Variants in PLEKHA7 observed in about 807,000 individuals in gnomAD.
PLEKHA7 encodes the protein pleckstrin homology domain containing A7.
PLEKHA7 carries 104 observed loss-of-function variants against 170.0 expected under a neutral mutation model. The observed-to-expected ratio is 0.61, with a 90% confidence interval of 0.52 to 0.72. The LOEUF (loss-of-function observed/expected upper bound fraction) is 0.72. PLEKHA7 is among the 30% of genes least tolerant of loss of function. The pLI, the probability that PLEKHA7 is intolerant of heterozygous loss-of-function variation, is 0.00. For synonymous variants in PLEKHA7, 648 were observed against 660.8 expected (o/e 0.98, Z 0.30); for missense variants, 1,615 against 1,671.7 (o/e 0.97, Z 0.59).
intron 4 of PLEKHA7, among the ~76,000 whole-genome samples, chr11:16,865,965 G>A (rs1373533029): frequency 1.3e-5 from 2 of 151,722 alleles, no homozygotes; most frequent in Non-Finnish European, 2.9e-5. Context: ...AGCCTCCCGA[G>A]TAGCTGGGAT....
At chr11:16,795,078 C>T (rs944991522) in intron 17 of PLEKHA7, 60 bp from the exon 18 acceptor site, 2 of 1,210,976 alleles carry the variant, frequency 1.7e-6, no homozygotes, top group Non-Finnish European at 2.5e-6. Flanking sequence ...CTTCTTAGGA[C>T]TTATCCTACC....
At chr11:16,784,585 G>C (rs1849276739) in intron 24 of PLEKHA7, among the ~76,000 whole-genome samples, 1 of 152,128 alleles carries the variant, frequency 6.6e-6, no homozygotes, top group African/African-American at 2.4e-5. Context: ...AACTCGGCTT[G>C]GTGAAACCTT....
Position 17,014,169 on chromosome 11 carries a change from G to C in PLEKHA7, c.119C>G (p.Pro40Arg). 6.2e-7 allele frequency: 1 copy of C among 1,601,718 alleles called. No homozygotes were observed. The highest frequency in any genetic ancestry group is 8.5e-7 in the Non-Finnish European group (1 of 1,175,534). The change falls in exon 2 of 27, where the codon CCG becomes CGG. Residue 40 changes from proline (P) to arginine (R), a missense_variant. By Grantham distance (103) the Pro-to-Arg change is moderately radical (BLOSUM62 -2). Coordinates refer to ENST00000531066, the MANE Select transcript of PLEKHA7 (RefSeq NM_001329630.2). ...CGAGTTGACGGGCTCCCCGGTGCGC[G>C]GATGCAGCCAGGTCGTGCAGCGGAG... is the stretch of plus-strand genomic sequence containing the variant. The part of the protein sequence containing the change: ...DQLRCTTWLH[P>R]RTGEPVNSGH...
At chr11:16,872,487 T>C (rs1011790402) in intron 3 of PLEKHA7, among the ~76,000 whole-genome samples, 2 of 152,224 alleles carry the variant, frequency 1.3e-5, no homozygotes. Flanking sequence ...ACTTCTTTAT[T>C]TGAAATAGCT....
intron 3 of PLEKHA7, among the ~76,000 whole-genome samples, chr11:16,958,737 C>CTAAAAT (rs1861860204): frequency 6.6e-6 from 1 of 152,180 alleles, no homozygotes; most frequent in Non-Finnish European, 1.5e-5. Flanking sequence ...AGGAAATATG[C>CTAAAAT]TAAAATCGTA....
intron 3 of PLEKHA7, among the ~76,000 whole-genome samples, chr11:16,986,278 A>T (rs2136906836): frequency 6.6e-6 from 1 of 152,294 alleles, no homozygotes; most frequent in East Asian, 1.9e-4. Flanking sequence ...AACCATCTGC[A>T]CCGCTGCAGA....
chr11:16,783,654 C>T, intron 25 of PLEKHA7, 46 bp downstream of exon 25: 1 of 1,351,616 alleles, frequency 7.4e-7, no homozygotes, highest in Non-Finnish European at 9.5e-7. Flanking sequence ...GAGACGCCAC[C>T]TGGGGTCAGG....
At chr11:16,927,233 AT>A (rs1859627065) in intron 3 of PLEKHA7, among the ~76,000 whole-genome samples, 1 of 152,164 alleles carries the variant, frequency 6.6e-6, no homozygotes, top group South Asian at 2.1e-4. Context: ...TTCTCCATAT[AT>A]TTTTTTAAAC....
intron 18 of PLEKHA7, 59 bp from the exon 19 acceptor site, chr11:16,794,773 G>C (rs1848103357): frequency 6.4e-7 from 1 of 1,565,510 alleles, no homozygotes; most frequent in South Asian, 1.1e-5. Flanking sequence ...TTCCTTGGAG[G>C]ATGAGTGGAG....
At chr11:16,807,265 G>C in intron 13 of PLEKHA7, 1 of 883,582 alleles carries the variant, frequency 1.1e-6, no homozygotes, top group Non-Finnish European at 1.4e-6. Context: ...AACGTAACAG[G>C]TGAGACATCA....
At chr11:16,907,209 T>TG (rs1343475851) in intron 3 of PLEKHA7, among the ~76,000 whole-genome samples, 4 of 76,134 alleles carry the variant, frequency 5.3e-5, no homozygotes, top group East Asian at 7.5e-4. Flanking sequence ...GGGAGGGAGG[T>TG]GGGGGGGTCA....
chr11:16,935,069 C>T (rs1860194084), intron 3 of PLEKHA7, among the ~76,000 whole-genome samples: 1 of 152,192 alleles, frequency 6.6e-6, no homozygotes, highest in African/African-American at 2.4e-5. Flanking sequence ...TGTGTTACTT[C>T]TTCCAAATAA....
Position 16,791,488 on chromosome 11 carries a change from G to C in PLEKHA7, c.2746-289C>G, listed in dbSNP as rs578195678. On this transcript the variant is annotated intron_variant, in intron 19 of 26. Transcript: ENST00000531066. The surrounding 1 kb of genome is among the most constrained non-coding windows in gnomAD (Gnocchi z 4.5). ...TCAGGTCTCCTGGGTCCATGCCCTCGGTGCTGTGCTGAACTGCTCCCTCCG... is the reference window on the plus strand; with the variant it reads ...TCAGGTCTCCTGGGTCCATGCCCTCCGTGCTGTGCTGAACTGCTCCCTCCG... 2 of 592,598 alleles carry C rather than the reference G, an allele frequency of 3.4e-6. No homozygotes were observed. The allele number at this position is 592,598 out of a possible 1,614,324, so 36.7% of individuals were successfully genotyped here. A position where few individuals can be genotyped will look rare whatever the true frequency, so the allele number is the denominator to read the frequency against.
chr11:16,847,010 G>A (rs377170007), intron 8 of PLEKHA7, among the ~76,000 whole-genome samples: 1 of 151,914 alleles, frequency 6.6e-6, no homozygotes, highest in African/African-American at 2.4e-5. Flanking sequence ...CCCAGACAAG[G>A]TGACTCTGAG....
chr11:16,875,213 A>C (rs897559484), intron 3 of PLEKHA7, among the ~76,000 whole-genome samples: 1 of 152,200 alleles, frequency 6.6e-6, no homozygotes, highest in Non-Finnish European at 1.5e-5. Context: ...TTAACTAAGC[A>C]GCTTTAACTA....
At chr11:16,875,604 T>C (rs1855226264) in intron 3 of PLEKHA7, among the ~76,000 whole-genome samples, 2 of 152,020 alleles carry the variant, frequency 1.3e-5, no homozygotes, top group South Asian at 4.1e-4. Context: ...CACACCACCA[T>C]GCCCGGCTAA....
Position 16,851,305 on chromosome 11 carries a change from A to T in PLEKHA7, c.596-14T>A. 6.3e-7 allele frequency: 1 copy of T among 1,599,948 alleles called. No homozygotes were observed. Among genetic ancestry groups the T allele is most frequent in the Non-Finnish European group, 8.5e-7 (1 of 1,170,230 alleles). ...CTTCTCGGCTGTCTTTGAATGGAAA[A>T]ATGCATCAGAACAACCTTCTGGGCA... On this transcript the variant is annotated splice_polypyrimidine_tract_variant and intron_variant, in intron 7 of 26. Transcript: ENST00000531066.
intron 3 of PLEKHA7, among the ~76,000 whole-genome samples, chr11:16,977,941 C>T (rs1031229215): frequency 4.6e-5 from 7 of 152,146 alleles, no homozygotes; most frequent in Non-Finnish European, 8.8e-5. Flanking sequence ...GGCCCAGCAC[C>T]CAGCAGACTT....
chr11:16,959,184 A>C (rs1861892179), intron 3 of PLEKHA7, among the ~76,000 whole-genome samples: 1 of 151,852 alleles, frequency 6.6e-6, no homozygotes, highest in Admixed American at 6.6e-5. Flanking sequence ...TTCATCACCC[A>C]GGTATTAGGC....
Sources: gnomAD v4.1 joint callset for allele counts (sites outside exome capture counted in the v4.1 genomes callset) on GRCh38, gnomAD v4.1.1 for gene constraint, Gnocchi (gnomAD v3.1) non-coding constraint, MANE v1.5 for transcripts, NCBI Gene and HGNC (gene_info 2026-07-23, HGNC 2026-07-21) for gene names.